The following AGPAT4 variants were observed in gnomAD, a reference collection of about 807,000 sequenced individuals.
The protein encoded by AGPAT4 is 1-acylglycerol-3-phosphate O-acyltransferase 4.
Under a neutral mutation model 48.0 loss-of-function variants are expected in AGPAT4, and 15 were observed. The observed-to-expected ratio is 0.31, with a 90% CI of 0.21 to 0.48. The LOEUF is 0.48. AGPAT4 is among the 20% of genes least tolerant of loss of function. AGPAT4 has a pLI of 0.99. For missense variants in AGPAT4, 314 were observed against 482.5 expected, an observed-to-expected ratio of 0.65 and a Z score of 3.27; for synonymous variants, 178 against 198.7, an observed-to-expected ratio of 0.90 and a Z score of 0.88.
In AGPAT4 at chr6:161,177,714, G is replaced by C. The variant is rs945049189; in HGVS notation, c.179-11297C>G. Among the ~76,000 whole-genome samples the C allele has an allele frequency of 1.3e-5, 2 of 152,226 alleles. No individual in the cohort carries two copies. Among genetic ancestry groups the C allele is most frequent in the Admixed American group, 1.3e-4 (2 of 15,282 alleles). ...CTGCGAGGAGCTGCATTCCTTTGGA[G>C]TAGAAGAGGCACTCTGATTTTTAGA... is the stretch of plus-strand genomic sequence containing the variant. On this transcript the variant is annotated intron_variant, in intron 2 of 8. Coordinates refer to ENST00000320285, the MANE Select transcript of AGPAT4 (RefSeq NM_020133.3). The surrounding 1 kb of genome is among the most constrained non-coding windows in gnomAD (Gnocchi z 5.0).
intron 3 of AGPAT4, among the ~76,000 whole-genome samples, chr6:161,156,348 G>A (rs1229469342): frequency 6.6e-6 from 1 of 152,106 alleles, no homozygotes; most frequent in South Asian, 2.1e-4. Flanking sequence ...CTGCCTTCAC[G>A]CTACACACAG....
chr6:161,154,330 C>A lies in AGPAT4; in HGVS notation c.349-20G>T. On this transcript the variant is annotated intron_variant, in intron 3 of 8. Coordinates refer to ENST00000320285, the MANE Select transcript of AGPAT4 (RefSeq NM_020133.3). This position sits in a 1 kb window ranked among gnomAD's most constrained non-coding sequence, Gnocchi z 7.8. ...GGAGCCCTGAAACAGAAGAAGGAGC[C>A]CAGGTGCCCATGAAGGAGACGTCAG... 6.2e-7 allele frequency: 1 copy of A among 1,613,576 alleles called. No individual in the cohort carries two copies. Among genetic ancestry groups the A allele is most frequent in the South Asian group, 1.1e-5 (1 of 91,036 alleles).
Position 161,261,510 on chromosome 6 carries a change from G to A in AGPAT4, c.-90+12428C>T, listed in dbSNP as rs564064549. ...AGTCACATTCACCACACTGCTCCAG[G>A]GAAACGCCCGGCTCACGGCTGACTC... On this transcript the variant is annotated intron_variant, in intron 1 of 8. Transcript: ENST00000320285. This position sits in a 1 kb window ranked among gnomAD's most constrained non-coding sequence, Gnocchi z 5.3. Among the ~76,000 whole-genome samples the A allele has an allele frequency of 6.6e-6, 1 of 152,292 alleles. No homozygotes were observed. The highest frequency in any genetic ancestry group is 1.9e-4 in the East Asian group (1 of 5,180).
chr6:161,237,804 C>G (rs1281882807), intron 1 of AGPAT4, among the ~76,000 whole-genome samples: 1 of 152,054 alleles, frequency 6.6e-6, no homozygotes, highest in East Asian at 1.9e-4. Context: ...CAGAACTGGA[C>G]AGACTCCATT....
At position 161,195,114 on chromosome 6, in the gene AGPAT4, A is replaced by G. The variant is rs1781036839; in HGVS notation, c.179-28697T>C. Among the ~76,000 whole-genome samples, 1 of 152,162 alleles carries G rather than the reference A, an allele frequency of 6.6e-6. No individual in the cohort carries two copies. The highest frequency in any genetic ancestry group is 2.1e-4 in the South Asian group (1 of 4,826). ...AGGCCTTTCTGGGGATCTCAACATT[A>G]AGTACAAAATTAAATATATTCTTTT... On this transcript the variant is annotated intron_variant, in intron 2 of 8. Transcript: ENST00000320285. The surrounding 1 kb of genome is among the most constrained non-coding windows in gnomAD (Gnocchi z 5.0).
chr6:161,143,367 G>A lies in AGPAT4; in HGVS notation c.843+3157C>T, dbSNP rs931864478. On this transcript the variant is annotated intron_variant, in intron 7 of 8. Coordinates refer to ENST00000320285, the MANE Select transcript of AGPAT4 (RefSeq NM_020133.3). This position sits in a 1 kb window ranked among gnomAD's most constrained non-coding sequence, Gnocchi z 4.7. ...TTACTCCCAAAGGGATTACTGGCAT[G>A]AGCCACTGTGCCCAGCCTCACCTAT... 1.3e-5 allele frequency among the ~76,000 whole-genome samples: 2 copies of A among 152,220 alleles called. No homozygotes were observed. The highest frequency in any genetic ancestry group is 1.5e-5 in the Non-Finnish European group (1 of 68,046).
rs755078977 is a variant in AGPAT4 at position 161,153,979 on chromosome 6, G to A, written c.510+170C>T. ...CATACGTGGCCCCACGGTCACACAC[G>A]GCCCCATGGTCACATACATCCCTGA... On this transcript the variant is annotated intron_variant, in intron 4 of 8. Coordinates refer to ENST00000320285, the MANE Select transcript of AGPAT4 (RefSeq NM_020133.3). 117 of 869,682 alleles carry A rather than the reference G, an allele frequency of 1.3e-4. No individual in the cohort carries two copies. The Middle Eastern group carries it at 3.7e-3, about 27-fold the overall frequency. 53.9% of individuals were successfully genotyped at this position (869,682 alleles called of 1,614,324 possible).
At chr6:161,152,089 T>C (rs1779607206) in intron 5 of AGPAT4, among the ~76,000 whole-genome samples, 1 of 152,108 alleles carries the variant, frequency 6.6e-6, no homozygotes, top group Admixed American at 6.5e-5. Flanking sequence ...AGAGCCTGCT[T>C]TTCTCTCTCC....
In AGPAT4 at chr6:161,232,347, CT is replaced by C; in HGVS notation, c.-89-46del. ...GAAATGTTAGCAAAAACACGATGTGCTTTTAGAGTCAGAAAAAAAGTGCTCT... is the reference window on the plus strand; with the variant it reads ...GAAATGTTAGCAAAAACACGATGTGCTTTAGAGTCAGAAAAAAAGTGCTCT... On this transcript the variant is annotated intron_variant, in intron 1 of 8. Coordinates refer to ENST00000320285, the MANE Select transcript of AGPAT4 (RefSeq NM_020133.3). The surrounding 1 kb of genome is among the most constrained non-coding windows in gnomAD (Gnocchi z 6.8). 1 of 872,926 alleles carries C rather than the reference CT, an allele frequency of 1.1e-6. No individual in the cohort carries two copies. Among genetic ancestry groups the C allele is most frequent in the Non-Finnish European group, 1.7e-6 (1 of 588,580 alleles). 54.1% of individuals were successfully genotyped at this position (872,926 alleles called of 1,614,324 possible).
Position 161,259,812 on chromosome 6 carries a change from G to A in AGPAT4, c.-90+14126C>T, listed in dbSNP as rs3823058. On this transcript the variant is annotated intron_variant, in intron 1 of 8. Transcript: ENST00000320285. This position sits in a 1 kb window ranked among gnomAD's most constrained non-coding sequence, Gnocchi z 4.9. ...TGCCGAAAGAAAATGAAAGTCTTCC[G>A]GACAGGGGTCCACTTTTTACAATGT... is the stretch of plus-strand genomic sequence containing the variant. Among the ~76,000 whole-genome samples, 18,011 of 152,062 alleles carry A rather than the reference G, an allele frequency of 0.12. 1,361 individuals carry two copies. Among genetic ancestry groups the A allele is most frequent in the Non-Finnish European group, 0.17 (11,474 of 67,978 alleles).
rs1254548750 is a variant in AGPAT4 at position 161,243,573 on chromosome 6, C to A, written c.-89-11271G>T. ...GCTCTCTGAGCCTCCGGGTCTGTATCTGCTAATGGAGGTGAAATTCCCTGC... is the reference window on the plus strand; with the variant it reads ...GCTCTCTGAGCCTCCGGGTCTGTATATGCTAATGGAGGTGAAATTCCCTGC... On this transcript the variant is annotated intron_variant, in intron 1 of 8. Transcript: ENST00000320285. The surrounding 1 kb of genome is among the most constrained non-coding windows in gnomAD (Gnocchi z 4.8). Among the ~76,000 whole-genome samples, 1 of 152,170 alleles carries A rather than the reference C, an allele frequency of 6.6e-6. No homozygotes were observed. Among genetic ancestry groups the A allele is most frequent in the African/African-American group, 2.4e-5 (1 of 41,434 alleles).
In AGPAT4 at chr6:161,198,607, A is replaced by G. The variant is rs1781133210; in HGVS notation, c.179-32190T>C. Among the ~76,000 whole-genome samples the G allele has an allele frequency of 6.6e-6, 1 of 152,188 alleles. No individual in the cohort carries two copies. Among genetic ancestry groups the G allele is most frequent in the African/African-American group, 2.4e-5 (1 of 41,442 alleles). On this transcript the variant is annotated intron_variant, in intron 2 of 8. Transcript: ENST00000320285. The surrounding 1 kb of genome is among the most constrained non-coding windows in gnomAD (Gnocchi z 4.3). ...TCAGGCTGGGTTACATCCTGGCCCC[A>G]CCATCTACTACTTGTGAGACTTTGG...
chr6:161,180,295 C>G lies in AGPAT4; in HGVS notation c.179-13878G>C, dbSNP rs1471093369. On this transcript the variant is annotated intron_variant, in intron 2 of 8. Transcript: ENST00000320285. The surrounding 1 kb of genome is among the most constrained non-coding windows in gnomAD (Gnocchi z 6.4). ...GCCCAGCTCCTCTCTGCAGCCCATC[C>G]CAGAAGTGCCATGGAGAATTTCTAC... Among the ~76,000 whole-genome samples the G allele has an allele frequency of 6.6e-6, 1 of 152,168 alleles. No individual in the cohort carries two copies. The highest frequency in any genetic ancestry group is 1.5e-5 in the Non-Finnish European group (1 of 68,036).
chr6:161,170,234 A>G (rs1264332895), intron 2 of AGPAT4, among the ~76,000 whole-genome samples: 2 of 152,060 alleles, frequency 1.3e-5, no homozygotes, highest in Non-Finnish European at 1.5e-5. Context: ...ATGCAGATAC[A>G]ACTTCCCTAC....
chr6:161,239,050 G>A (rs1319043983), intron 1 of AGPAT4, among the ~76,000 whole-genome samples: 1 of 152,166 alleles, frequency 6.6e-6, no homozygotes, highest in African/African-American at 2.4e-5. Flanking sequence ...TAAAGTGCAA[G>A]CGAGACAAAC....
At chr6:161,224,655 A>T (rs1017346514) in intron 2 of AGPAT4, among the ~76,000 whole-genome samples, 5 of 151,580 alleles carry the variant, frequency 3.3e-5, no homozygotes, top group African/African-American at 1.2e-4. Flanking sequence ...AAAAAAAAAA[A>T]AAAAAGAAAG....
At chr6:161,153,744 T>G (rs1204748311) in intron 4 of AGPAT4, among the ~76,000 whole-genome samples, 1 of 130,234 alleles carries the variant, frequency 7.7e-6, no homozygotes, top group Non-Finnish European at 1.6e-5. Context: ...GGGGCACATA[T>G]GGCCACACGA....
chr6:161,261,149 G>C lies in AGPAT4; in HGVS notation c.-90+12789C>G, dbSNP rs1783089729. Among the ~76,000 whole-genome samples the C allele has an allele frequency of 2.6e-5, 4 of 152,220 alleles. No individual in the cohort carries two copies. In the South Asian group the frequency reaches 8.3e-4, roughly 32 times the overall value. Reference sequence around the variant, plus strand: ...ATCCTTCCAACCCCTGCTTAAGCCAGCTCCTTCTCCTCCCTGCCTCCCGCT... The same window carrying C: ...ATCCTTCCAACCCCTGCTTAAGCCACCTCCTTCTCCTCCCTGCCTCCCGCT... On this transcript the variant is annotated intron_variant, in intron 1 of 8. Coordinates refer to ENST00000320285, the MANE Select transcript of AGPAT4 (RefSeq NM_020133.3). The surrounding 1 kb of genome is among the most constrained non-coding windows in gnomAD (Gnocchi z 5.3).
rs1290298471 is a variant in AGPAT4, at chr6:161,141,196, T to C, written c.844-1576A>G. Among the ~76,000 whole-genome samples the C allele has an allele frequency of 6.6e-6, 1 of 152,112 alleles. No individual in the cohort carries two copies. The highest frequency in any genetic ancestry group is 1.5e-5 in the Non-Finnish European group (1 of 68,020). On this transcript the variant is annotated intron_variant, in intron 7 of 8. Coordinates refer to ENST00000320285, the MANE Select transcript of AGPAT4 (RefSeq NM_020133.3). The surrounding 1 kb of genome is among the most constrained non-coding windows in gnomAD (Gnocchi z 6.7). ...CTTCCCTGGGCAGTTCAGGTGCCTC[T>C]GCTCTGTCCTCGGCCCCCTGCAGCC... is the stretch of plus-strand genomic sequence containing the variant.
Sources: gnomAD v4.1 joint callset for allele counts (sites outside exome capture counted in the v4.1 genomes callset) on GRCh38, gnomAD v4.1.1 for gene constraint, Gnocchi (gnomAD v3.1) non-coding constraint, MANE v1.5 for transcripts, NCBI Gene and HGNC (gene_info 2026-07-23, HGNC 2026-07-21) for gene names.